The following DPP10 variants were observed in gnomAD, a reference collection of about 807,000 sequenced individuals.
DPP10 encodes the protein dipeptidyl peptidase like 10.
In DPP10, 33 loss-of-function variants were observed where a neutral mutation model predicts 120.9. The ratio of observed to expected loss-of-function variants is 0.27; its 90% CI spans 0.21 to 0.37. The LOEUF (loss-of-function observed/expected upper bound fraction) is 0.37. Ranked by LOEUF, DPP10 falls within the 10% of genes least tolerant of loss-of-function variation. The pLI, the probability that DPP10 is intolerant of heterozygous loss-of-function variation, is 1.00. For synonymous variants in DPP10, 337 were observed against 326.1 expected (o/e 1.03, Z -0.36); for missense variants, 816 against 942.8 (o/e 0.87, Z 1.76).
chr2:115,511,927 T>A (rs567947408), intron 4 of DPP10, among the ~76,000 whole-genome samples: 3 of 151,796 alleles, frequency 2.0e-5, no homozygotes, highest in South Asian at 4.2e-4. Flanking sequence ...CACTGTGGTC[T>A]CACTATGTTT....
intron 5 of DPP10, among the ~76,000 whole-genome samples, chr2:115,668,318 T>A (rs2089619908): frequency 1.3e-5 from 2 of 152,120 alleles, no homozygotes. Flanking sequence ...GCTCCACTTT[T>A]ATAAGTGAAT....
chr2:115,804,939 C>A (rs571895958), intron 19 of DPP10, among the ~76,000 whole-genome samples: 1 of 152,326 alleles, frequency 6.6e-6, no homozygotes, highest in South Asian at 2.1e-4. Flanking sequence ...GCTGGGAAAA[C>A]TACTACTCTC....
chr2:114,939,528 CT>C (rs1245730471), intron 1 of DPP10, among the ~76,000 whole-genome samples: 2 of 152,050 alleles, frequency 1.3e-5, no homozygotes, highest in Non-Finnish European at 2.9e-5. Context: ...AACCTACCTA[CT>C]TTTGCTTTTA....
At chr2:115,297,425 C>G in intron 1 of DPP10, 1 of 163,614 alleles carries the variant, frequency 6.1e-6, no homozygotes, top group South Asian at 1.4e-4. Flanking sequence ...TTATATCACA[C>G]TTTGATATAA....
chr2:114,905,312 T>TATA (rs1693877251), intron 1 of DPP10, among the ~76,000 whole-genome samples: 1 of 152,106 alleles, frequency 6.6e-6, no homozygotes, highest in African/African-American at 2.4e-5. Flanking sequence ...CTTGATCTGT[T>TATA]AGTATAAGTT....
At chr2:115,498,864 C>G (rs557236057) in intron 3 of DPP10, among the ~76,000 whole-genome samples, 6 of 151,798 alleles carry the variant, frequency 4.0e-5, no homozygotes, top group African/African-American at 7.3e-5. Context: ...AAGCAATTAT[C>G]TGAAAGAAAT....
intron 1 of DPP10, among the ~76,000 whole-genome samples, chr2:114,739,341 T>C (rs560541704): frequency 6.6e-6 from 1 of 152,266 alleles, no homozygotes; most frequent in South Asian, 2.1e-4. Flanking sequence ...GAATGACGAC[T>C]GAAAGCTAAG....
At position 114,698,828 on chromosome 2, in the gene DPP10, A is replaced by G. The variant is rs1700218401; in HGVS notation, c.60+255990A>G. On this transcript the variant is annotated intron_variant, in intron 1 of 25. Coordinates refer to ENST00000410059, the MANE Select transcript of DPP10 (RefSeq NM_020868.6). ...GGGGGCTTGGTGCATTCAAATGAAT[A>G]AAAACAAGATGGTCATAACATATTA... 5.3e-5 allele frequency among the ~76,000 whole-genome samples: 8 copies of G among 152,142 alleles called. No homozygotes were observed. The South Asian group carries it at 6.2e-4, about 12-fold the overall frequency.
intron 1 of DPP10, among the ~76,000 whole-genome samples, chr2:114,522,081 G>T (rs1237516684): frequency 6.8e-6 from 1 of 146,176 alleles, no homozygotes; most frequent in East Asian, 2.0e-4. Flanking sequence ...CCGGGTTCAC[G>T]CCATTCTCCT....
At chr2:114,877,169 C>A (rs1216440372) in intron 1 of DPP10, among the ~76,000 whole-genome samples, 1 of 151,980 alleles carries the variant, frequency 6.6e-6, no homozygotes, top group Non-Finnish European at 1.5e-5. Context: ...ACAGTAGAAA[C>A]ACTGCACAAA....
At chr2:115,392,328 A>G (rs1487297511) in intron 3 of DPP10, among the ~76,000 whole-genome samples, 1 of 152,128 alleles carries the variant, frequency 6.6e-6, no homozygotes, top group Non-Finnish European at 1.5e-5. Context: ...TATTGTCTAT[A>G]ACTAGTTTCT....
chr2:115,352,164 G>T (rs988105238), intron 3 of DPP10, among the ~76,000 whole-genome samples: 4 of 151,856 alleles, frequency 2.6e-5, no homozygotes, highest in Admixed American at 6.6e-5. Context: ...TATTTAAAGA[G>T]AATTTGAAAC....
chr2:115,106,388 T>C (rs1480281658), intron 1 of DPP10, among the ~76,000 whole-genome samples: 1 of 152,126 alleles, frequency 6.6e-6, no homozygotes, highest in Non-Finnish European at 1.5e-5. Context: ...GAATTAGAAA[T>C]GAGGGAATAA....
intron 5 of DPP10, among the ~76,000 whole-genome samples, chr2:115,603,830 A>G (rs2083519550): frequency 6.6e-6 from 1 of 151,686 alleles, no homozygotes. Flanking sequence ...TTATGAGATG[A>G]TTTTTATCAG....
chr2:114,572,696 A>T (rs1384320281), intron 1 of DPP10, among the ~76,000 whole-genome samples: 10 of 152,176 alleles, frequency 6.6e-5, no homozygotes, highest in Admixed American at 6.5e-4. Flanking sequence ...AGGAGGAAAA[A>T]CAACATTTGT....
chr2:114,661,625 C>T (rs149987219), intron 1 of DPP10, among the ~76,000 whole-genome samples: 36 of 152,268 alleles, frequency 2.4e-4, no homozygotes, highest in African/African-American at 7.7e-4. Flanking sequence ...CTAAGTAACT[C>T]AGGGATCTCT....
intron 1 of DPP10, among the ~76,000 whole-genome samples, chr2:114,503,778 T>C (rs1683402100): frequency 1.3e-5 from 2 of 152,214 alleles, no homozygotes; most frequent in South Asian, 4.1e-4. Context: ...GACTGGGCTC[T>C]CCTATTACTT....
rs144939439 is a variant in DPP10 at position 114,457,870 on chromosome 2, G to A, written c.60+15032G>A. Among the ~76,000 whole-genome samples, 6 of 152,274 alleles carry A rather than the reference G, an allele frequency of 3.9e-5. No homozygotes were observed. The East Asian group carries it at 1.2e-3, about 29-fold the overall frequency. ...CTATCACCATTCCATGCTGAGGATG[G>A]TTAGTGTTCCTTTTAAAATAGTAAC... On this transcript the variant is annotated intron_variant, in intron 1 of 25. Transcript: ENST00000410059.
At chr2:114,603,290 C>A (rs950727125) in intron 1 of DPP10, among the ~76,000 whole-genome samples, 2 of 151,836 alleles carry the variant, frequency 1.3e-5, no homozygotes, top group African/African-American at 4.8e-5. Context: ...AGGCTGAAAA[C>A]TTGGAAGTGA....
Sources: allele counts gnomAD v4.1 joint callset (sites outside exome capture counted in the v4.1 genomes callset), GRCh38; gene constraint gnomAD v4.1.1; transcripts MANE v1.5; gene names NCBI Gene and HGNC (gene_info 2026-07-23, HGNC 2026-07-21).